Variants in DSCAML1 observed in about 807,000 individuals in gnomAD.
DSCAML1 encodes the protein cell adhesion molecule DSCAML1.
In DSCAML1, 38 loss-of-function variants were observed where a neutral mutation model predicts 200.5. The observed-to-expected ratio is 0.19, with a 90% confidence interval of 0.15 to 0.25. The LOEUF is 0.25. DSCAML1 is among the 10% of genes least tolerant of loss of function. The pLI, the probability that DSCAML1 is intolerant of heterozygous loss-of-function variation, is 1.00. For synonymous variants in DSCAML1, 1,215 were observed against 1,165.0 expected, an observed-to-expected ratio of 1.04 and a Z score of -0.87; for missense variants, 2,223 against 2,858.8, an observed-to-expected ratio of 0.78 and a Z score of 5.07.
intron 3 of DSCAML1, among the ~76,000 whole-genome samples, chr11:117,759,514 A>G (rs2054760731): frequency 6.6e-6 from 1 of 152,086 alleles, no homozygotes; most frequent in Admixed American, 6.5e-5. Context: ...AAGTTTCCCT[A>G]TTGGCTATGA....
rs533516822 is a variant in DSCAML1, at chr11:117,752,439, AAG to A, written c.511+24350_511+24351del. On this transcript the variant is annotated intron_variant, in intron 3 of 32. Coordinates refer to ENST00000651296, the MANE Select transcript of DSCAML1 (RefSeq NM_020693.4). ...ACATCATTTTACTCAAAGGTGAGTT[AAG>A]AGAGAGCCCTGGAGGTCAGGAGAGG... is the stretch of plus-strand genomic sequence containing the variant. 7.9e-5 allele frequency among the ~76,000 whole-genome samples: 12 copies of A among 152,318 alleles called. No homozygotes were observed. In the South Asian group the frequency reaches 2.5e-3, roughly 32 times the overall value.
intron 4 of DSCAML1, among the ~76,000 whole-genome samples, chr11:117,525,547 C>A (rs1320367068): frequency 6.6e-6 from 1 of 151,686 alleles, no homozygotes; most frequent in Admixed American, 6.5e-5. Context: ...GCAACCTCCA[C>A]CTCCCAGGTT....
At chr11:117,727,251 C>G (rs964025151) in intron 3 of DSCAML1, among the ~76,000 whole-genome samples, 2 of 152,154 alleles carry the variant, frequency 1.3e-5, no homozygotes, top group Non-Finnish European at 1.5e-5. Context: ...TCCAATAGGT[C>G]TAACCAACAA....
chr11:117,437,328 T>C lies in DSCAML1; in HGVS notation c.4514A>G (p.Asn1505Ser), dbSNP rs141765472. ...HARLNLQGWN[N>S]GGCPITAIVL... ...GATGGCTGTGATAGGGCAGCCCCCA[T>C]TGTTCCAGCCCTGCAGGTTAAGCCG... Residue 1505 changes from asparagine (N) to serine (S), a missense_variant, in exon 26 of 33, where the codon AAT becomes AGT. Coordinates refer to ENST00000651296, the MANE Select transcript of DSCAML1 (RefSeq NM_020693.4). This position sits in a 1 kb window ranked among gnomAD's most constrained non-coding sequence, Gnocchi z 5.3. 5.0e-5 allele frequency: 80 copies of C among 1,614,220 alleles called. No homozygotes were observed. Among genetic ancestry groups the C allele is most frequent in the Admixed American group, 1.8e-4 (11 of 60,030 alleles).
At chr11:117,578,236 G>GAAA (rs59533726) in intron 3 of DSCAML1, among the ~76,000 whole-genome samples, 21,129 of 100,640 alleles carry the variant, frequency 0.21, 2,506 homozygotes, top group African/African-American at 0.26. Context: ...ACTCTGTCTC[G>GAAA]AAAAAAAAAA....
intron 1 of DSCAML1, among the ~76,000 whole-genome samples, chr11:117,807,203 G>A (rs1040980203): frequency 6.6e-6 from 1 of 152,196 alleles, no homozygotes; most frequent in Non-Finnish European, 1.5e-5. Context: ...GCATCTCTCT[G>A]CCTCCTCAGA....
intron 3 of DSCAML1, among the ~76,000 whole-genome samples, chr11:117,689,163 G>C (rs2053455739): frequency 6.6e-6 from 1 of 152,178 alleles, no homozygotes; most frequent in Non-Finnish European, 1.5e-5. Context: ...ACTCACAGAG[G>C]CTAAGGAATT....
At chr11:117,484,443 GC>G (rs2048996887) in intron 11 of DSCAML1, among the ~76,000 whole-genome samples, 3 of 152,166 alleles carry the variant, frequency 2.0e-5, no homozygotes, top group Non-Finnish European at 4.4e-5. Flanking sequence ...ACATTCCCCA[GC>G]CCCAGCTCAT....
At chr11:117,579,246 C>G (rs916865874) in intron 3 of DSCAML1, among the ~76,000 whole-genome samples, 4 of 152,160 alleles carry the variant, frequency 2.6e-5, no homozygotes, top group African/African-American at 9.7e-5. Context: ...GCATGTCATC[C>G]CCTCCAGAGC....
chr11:117,493,526 G>A (rs564731192), intron 11 of DSCAML1, among the ~76,000 whole-genome samples: 1 of 151,942 alleles, frequency 6.6e-6, no homozygotes, highest in Non-Finnish European at 1.5e-5. Context: ...ATGTTGGCCA[G>A]GGTGGTCTCC....
intron 3 of DSCAML1, among the ~76,000 whole-genome samples, chr11:117,636,125 G>A (rs575162054): frequency 1.1e-3 from 172 of 151,910 alleles, no homozygotes; most frequent in Non-Finnish European, 2.0e-3. Flanking sequence ...CTGGTGAGGC[G>A]GGGGTTAGAA....
At chr11:117,737,598 G>A (rs974195047) in intron 3 of DSCAML1, among the ~76,000 whole-genome samples, 13 of 152,344 alleles carry the variant, frequency 8.5e-5, no homozygotes, top group African/African-American at 2.2e-4. Flanking sequence ...ACACCGTACC[G>A]CTGATGTATA....
intron 3 of DSCAML1, among the ~76,000 whole-genome samples, chr11:117,758,645 G>A (rs566156184): frequency 1.3e-5 from 2 of 151,950 alleles, no homozygotes; most frequent in African/African-American, 2.4e-5. Context: ...CTCGTGATCC[G>A]CCCACCTCGG....
intron 28 of DSCAML1, 21 bp from the exon 29 acceptor site, chr11:117,433,277 G>A: frequency 6.3e-7 from 1 of 1,597,916 alleles, no homozygotes; most frequent in Non-Finnish European, 8.5e-7. Context: ...AAAGACTGGA[G>A]GTGGTGGCTC....
rs570614996 is a variant in DSCAML1 at position 117,451,316 on chromosome 11, G to A, written c.3569-628C>T. On this transcript the variant is annotated intron_variant, in intron 19 of 32. Transcript: ENST00000651296. Reference sequence around the variant, plus strand: ...ACTGGGACCCCAGGACTCTGCCTGGGAGACTGGAAGCTTCCTGCTCTCAGC... The same window carrying A: ...ACTGGGACCCCAGGACTCTGCCTGGAAGACTGGAAGCTTCCTGCTCTCAGC... 3.3e-5 allele frequency among the ~76,000 whole-genome samples: 5 copies of A among 152,320 alleles called. No homozygotes were observed. In the East Asian group the frequency reaches 9.7e-4, roughly 29 times the overall value.
Position 117,480,206 on chromosome 11 carries a change from G to T in DSCAML1, c.2785+237C>A, listed in dbSNP as rs778013637. Among the ~76,000 whole-genome samples, 5 of 152,194 alleles carry T rather than the reference G, an allele frequency of 3.3e-5. No individual in the cohort carries two copies. Among genetic ancestry groups the T allele is most frequent in the African/African-American group, 4.8e-5 (2 of 41,444 alleles). The stretch of plus-strand genomic sequence containing the variant: ...CTGGCCCAGGGACAGTCCTGGAAAG[G>T]AGCTGACATCACTACCCATCAACTG... On this transcript the variant is annotated intron_variant, in intron 14 of 32. Transcript: ENST00000651296. The surrounding 1 kb of genome is among the most constrained non-coding windows in gnomAD (Gnocchi z 4.1).
In DSCAML1 at chr11:117,797,118, T is replaced by C. The variant is rs1422231406; in HGVS notation, c.-39A>G. The C allele has an allele frequency of 1.3e-6, 2 of 1,589,580 alleles. No individual in the cohort carries two copies. Among genetic ancestry groups the C allele is most frequent in the Non-Finnish European group, 1.7e-6 (2 of 1,168,896 alleles). On this transcript the variant is annotated 5_prime_UTR_variant, in exon 1 of 33. Coordinates refer to ENST00000651296, the MANE Select transcript of DSCAML1 (RefSeq NM_020693.4). ...CCTATTCTCCGGGGAGGTGGTCCTG[T>C]GGCCGGCCGTGCGGCAGCGCCTCTC...
chr11:117,435,660 C>G lies in DSCAML1; in HGVS notation c.4860G>C (p.Arg1620=). The change falls in exon 27 of 33, where the codon CGG becomes CGC. Residue 1620 remains arginine (R), a synonymous_variant. Coordinates refer to ENST00000651296, the MANE Select transcript of DSCAML1 (RefSeq NM_020693.4). ...CTCCCCCACCTCGGAGTCGCTTCAG[C>G]CGTTTCTCCTTCCTCTTCTTGCGTA... ...FIVRKKRKEK[R]LKRLRDAKSL... The G allele has an allele frequency of 1.2e-6, 2 of 1,600,410 alleles. No homozygotes were observed. Among genetic ancestry groups the G allele is most frequent in the Non-Finnish European group, 1.7e-6 (2 of 1,168,838 alleles).
At chr11:117,650,375 T>C (rs2052605855) in intron 3 of DSCAML1, among the ~76,000 whole-genome samples, 1 of 152,214 alleles carries the variant, frequency 6.6e-6, no homozygotes, top group Non-Finnish European at 1.5e-5. Context: ...GATCCAGTTA[T>C]GGGATTCAGA....
Sources: allele counts gnomAD v4.1 joint callset (sites outside exome capture counted in the v4.1 genomes callset), GRCh38; gene constraint gnomAD v4.1.1; non-coding constraint Gnocchi (gnomAD v3.1); transcripts MANE v1.5; gene names NCBI Gene and HGNC (gene_info 2026-07-23, HGNC 2026-07-21).